Variants in NRCAM observed in about 807,000 individuals in gnomAD.
The protein encoded by NRCAM is neuronal cell adhesion molecule.
A neutral mutation model predicts 156.5 loss-of-function variants in NRCAM; 83 were observed. That is an observed-to-expected ratio of 0.53 (90% confidence interval 0.44 to 0.64). The LOEUF (loss-of-function observed/expected upper bound fraction) is 0.64, where lower values mean the gene tolerates loss of function less well. Ranked by LOEUF, NRCAM falls within the 30% of genes least tolerant of loss-of-function variation. The probability of loss-of-function intolerance (pLI) is 0.00; values close to 1 mark genes in which losing one functional copy is unlikely to be tolerated. For missense variants in NRCAM, 1,417 were observed against 1,597.3 expected (o/e 0.89, Z 1.92); for synonymous variants, 538 against 563.9 (o/e 0.95, Z 0.65).
chr7:108,345,588 G>A (rs1032512837), intron 2 of NRCAM, among the ~76,000 whole-genome samples: 2 of 152,110 alleles, frequency 1.3e-5, no homozygotes, highest in African/African-American at 4.8e-5. Flanking sequence ...AGGTCATGAG[G>A]GTGGAGTCTT....
intron 32 of NRCAM, among the ~76,000 whole-genome samples, chr7:108,154,296 T>G (rs2043519529): frequency 6.6e-6 from 1 of 152,180 alleles, no homozygotes; most frequent in African/African-American, 2.4e-5. Context: ...TATGTCATAT[T>G]TTTATGCTAT....
chr7:108,230,979 T>A, intron 8 of NRCAM, 52 bp downstream of exon 8: 1 of 1,433,814 alleles, frequency 7.0e-7, no homozygotes, highest in Non-Finnish European at 9.7e-7. Context: ...ATTATGACTG[T>A]AAACAATCCT....
At chr7:108,154,427 G>C (rs2043649277) in intron 32 of NRCAM, among the ~76,000 whole-genome samples, 1 of 152,014 alleles carries the variant, frequency 6.6e-6, no homozygotes, top group Non-Finnish European at 1.5e-5. Flanking sequence ...TATAATATTT[G>C]CTTGTTGATT....
intron 3 of NRCAM, among the ~76,000 whole-genome samples, chr7:108,277,701 A>G (rs1050191996): frequency 6.6e-6 from 1 of 151,720 alleles, no homozygotes; most frequent in African/African-American, 2.4e-5. Flanking sequence ...TAGCTCGGAG[A>G]AGTGTGTTAC....
chr7:108,276,829 G>A (rs145154882), intron 3 of NRCAM, among the ~76,000 whole-genome samples: 6,205 of 152,178 alleles, frequency 0.041, 438 homozygotes, highest in African/African-American at 0.14. Flanking sequence ...TCTTCATAGC[G>A]TTGATGGTCT....
intron 14 of NRCAM, among the ~76,000 whole-genome samples, chr7:108,196,206 T>C (rs994998239): frequency 6.6e-6 from 1 of 152,198 alleles, no homozygotes; most frequent in Non-Finnish European, 1.5e-5. Flanking sequence ...TTTTGTTGAA[T>C]GACTCACTCA....
intron 11 of NRCAM, among the ~76,000 whole-genome samples, chr7:108,218,623 C>T (rs112093804): frequency 2.6e-5 from 4 of 152,162 alleles, no homozygotes; most frequent in Admixed American, 6.5e-5. Context: ...GGGTAGAAAA[C>T]GAAATCAAGA....
chr7:108,325,632 G>C (rs887059783), intron 2 of NRCAM, among the ~76,000 whole-genome samples: 2 of 151,694 alleles, frequency 1.3e-5, no homozygotes, highest in Admixed American at 1.3e-4. Context: ...TTGCCTTAAC[G>C]CTTATCATGA....
chr7:108,408,842 G>A (rs565860877), intron 1 of NRCAM, among the ~76,000 whole-genome samples: 1 of 152,318 alleles, frequency 6.6e-6, no homozygotes, highest in Admixed American at 6.5e-5. Context: ...CCCTCATTCA[G>A]TAAGAAATGT....
At chr7:108,234,854 G>A in intron 5 of NRCAM, 166 bp from the exon 6 acceptor site, 1 of 757,160 alleles carries the variant, frequency 1.3e-6, no homozygotes, top group Admixed American at 1.7e-5. Context: ...TTCTGCTAAA[G>A]GTCTGCTAAA....
intron 2 of NRCAM, among the ~76,000 whole-genome samples, chr7:108,319,601 T>TA (rs1374799095): frequency 6.6e-6 from 1 of 152,196 alleles, no homozygotes; most frequent in East Asian, 1.9e-4. Flanking sequence ...GAAATGGATC[T>TA]AAAAATACCA....
At chr7:108,155,865 T>C (rs552961705) in intron 32 of NRCAM, among the ~76,000 whole-genome samples, 4 of 152,234 alleles carry the variant, frequency 2.6e-5, no homozygotes, top group African/African-American at 9.6e-5. Flanking sequence ...CATTGGAATA[T>C]ATCCTTTCCT....
At chr7:108,187,402 G>C (rs2067595912) in intron 20 of NRCAM, among the ~76,000 whole-genome samples, 1 of 152,062 alleles carries the variant, frequency 6.6e-6, no homozygotes, top group Non-Finnish European at 1.5e-5. Flanking sequence ...CTTTGCTCTT[G>C]CTGGAAAGTT....
At chr7:108,191,142 C>A in intron 19 of NRCAM, 112 bp downstream of exon 19, 2 of 837,388 alleles carry the variant, frequency 2.4e-6, no homozygotes, top group Non-Finnish European at 3.7e-6. Context: ...TGACAGAGAC[C>A]TTTTCCTTAA....
intron 2 of NRCAM, among the ~76,000 whole-genome samples, chr7:108,326,699 T>A (rs1187361286): frequency 6.6e-6 from 1 of 152,162 alleles, no homozygotes; most frequent in Non-Finnish European, 1.5e-5. Context: ...TAAGTAAACA[T>A]GAGACCTAGG....
chr7:108,321,222 C>A (rs2098997361), intron 2 of NRCAM, among the ~76,000 whole-genome samples: 1 of 152,184 alleles, frequency 6.6e-6, no homozygotes, highest in Non-Finnish European at 1.5e-5. Context: ...GATGCTTTAG[C>A]CATGTTTTAT....
chr7:108,382,323 C>T (rs1022134807), intron 2 of NRCAM, among the ~76,000 whole-genome samples: 5 of 151,772 alleles, frequency 3.3e-5, no homozygotes, highest in African/African-American at 1.2e-4. Context: ...AGGCTGGGCG[C>T]GGTGGTTCAT....
intron 1 of NRCAM, among the ~76,000 whole-genome samples, chr7:108,403,528 C>T (rs1049548151): frequency 6.6e-6 from 1 of 152,108 alleles, no homozygotes; most frequent in African/African-American, 2.4e-5. Context: ...ATTACCAATA[C>T]TCTAAGTTGA....
At chr7:108,324,875 T>A (rs1005364011) in intron 2 of NRCAM, among the ~76,000 whole-genome samples, 1 of 117,480 alleles carries the variant, frequency 8.5e-6, no homozygotes, top group Non-Finnish European at 1.7e-5. Flanking sequence ...TTTGGCACTG[T>A]ACTTTTTTTT....
Sources: allele counts gnomAD v4.1 joint callset (sites outside exome capture counted in the v4.1 genomes callset), GRCh38; gene constraint gnomAD v4.1.1; transcripts MANE v1.5; gene names NCBI Gene and HGNC (gene_info 2026-07-23, HGNC 2026-07-21).